The following GRIN2B variants were observed in gnomAD, a reference collection of about 807,000 sequenced individuals.
GRIN2B encodes glutamate ionotropic receptor NMDA type subunit 2B, also known as glutamate receptor ionotropic, NMDA 2B.
GRIN2B carries 5 observed loss-of-function variants against 114.5 expected under a neutral mutation model. That is an observed-to-expected ratio of 0.04 (90% CI 0.02 to 0.09). The LOEUF is 0.09. GRIN2B is among the 10% of genes least tolerant of loss of function. The pLI, the probability that GRIN2B is intolerant of heterozygous loss-of-function variation, is 1.00. For missense variants in GRIN2B, 1,108 were observed against 1,943.5 expected (o/e 0.57, Z 8.08); for synonymous variants, 787 against 745.1 (o/e 1.06, Z -0.92).
intron 3 of GRIN2B, among the ~76,000 whole-genome samples, chr12:13,786,275 TG>T (rs1209929922): frequency 1.3e-5 from 2 of 152,192 alleles, no homozygotes; most frequent in African/African-American, 2.4e-5. Flanking sequence ...TAAAATAATT[TG>T]GGGTTTAATT....
At chr12:13,746,246 C>CA (rs1193786142) in intron 4 of GRIN2B, among the ~76,000 whole-genome samples, 1 of 152,042 alleles carries the variant, frequency 6.6e-6, no homozygotes, top group African/African-American at 2.4e-5. Flanking sequence ...AGTAAGTACT[C>CA]AAAAAGGCAA....
At chr12:13,686,067 A>G (rs889387184) in intron 4 of GRIN2B, among the ~76,000 whole-genome samples, 17 of 152,176 alleles carry the variant, frequency 1.1e-4, no homozygotes, top group African/African-American at 3.4e-4. Context: ...ACCACAATGC[A>G]AAAGTGCTGG....
intron 4 of GRIN2B, among the ~76,000 whole-genome samples, chr12:13,700,089 G>T (rs895000359): frequency 2.0e-5 from 3 of 152,108 alleles, no homozygotes; most frequent in African/African-American, 7.2e-5. Context: ...CTGAAGGGCA[G>T]TAATACGCTG....
At chr12:13,974,879 T>C (rs1318963672) in intron 2 of GRIN2B, among the ~76,000 whole-genome samples, 4 of 151,198 alleles carry the variant, frequency 2.6e-5, no homozygotes, top group Admixed American at 6.6e-5. Context: ...AAAAGAACAG[T>C]GTAAAAGAGA....
intron 2 of GRIN2B, among the ~76,000 whole-genome samples, chr12:13,867,044 T>G (rs1352225973): frequency 1.3e-5 from 2 of 151,404 alleles, no homozygotes; most frequent in African/African-American, 4.8e-5. Context: ...TACGTGGAAC[T>G]GCCTCTCATA....
chr12:13,841,250 C>A (rs925840324), intron 3 of GRIN2B, among the ~76,000 whole-genome samples: 9 of 152,118 alleles, frequency 5.9e-5, no homozygotes, highest in Admixed American at 4.6e-4. Flanking sequence ...CACAGCTAGC[C>A]ATGCCGGAGC....
chr12:13,577,006 A>C (rs1437281551), intron 10 of GRIN2B, among the ~76,000 whole-genome samples: 1 of 152,220 alleles, frequency 6.6e-6, no homozygotes, highest in Non-Finnish European at 1.5e-5. Flanking sequence ...AGGAAACCGA[A>C]GTCCTGAAGA....
chr12:13,615,655 T>C lies in GRIN2B; in HGVS notation c.1338A>G (p.Thr446=), dbSNP rs141031272. ...TTTTGATGTAACCCGGCTCCTCGTC[T>C]GTTTTATTCCTAGCCAATTAAAGAA... is the stretch of plus-strand genomic sequence containing the variant. ...CQKRIVTENK[T]DEEPGYIKKC... The change falls in exon 7 of 14, where the codon ACA becomes ACG. Residue 446 remains threonine (T), a synonymous_variant. Transcript: ENST00000609686. The surrounding 1 kb of genome is among the most constrained non-coding windows in gnomAD (Gnocchi z 5.8). The C allele has an allele frequency of 1.7e-4, 268 of 1,613,172 alleles. 1 individual carries two copies. In the African/African-American group the frequency reaches 3.2e-3, roughly 19 times the overall value.
chr12:13,960,550 G>A (rs1223398383), intron 2 of GRIN2B, among the ~76,000 whole-genome samples: 1 of 152,096 alleles, frequency 6.6e-6, no homozygotes, highest in Non-Finnish European at 1.5e-5. Context: ...GGGGCATGGA[G>A]GAGACCCCAA....
At chr12:13,728,468 A>G (rs1863030206) in intron 4 of GRIN2B, among the ~76,000 whole-genome samples, 1 of 152,176 alleles carries the variant, frequency 6.6e-6, no homozygotes, top group African/African-American at 2.4e-5. Context: ...AAAATAAGAA[A>G]TTTGTTTTGT....
chr12:13,784,041 G>A (rs1864173066), intron 3 of GRIN2B, among the ~76,000 whole-genome samples: 1 of 151,880 alleles, frequency 6.6e-6, no homozygotes, highest in African/African-American at 2.4e-5. Flanking sequence ...GACTAACATG[G>A]TGAAACCCCG....
intron 3 of GRIN2B, among the ~76,000 whole-genome samples, chr12:13,802,903 G>T (rs12815392): frequency 2.0e-5 from 3 of 152,016 alleles, no homozygotes; most frequent in African/African-American, 7.2e-5. Context: ...GTTAACTCGG[G>T]AACACACAGG....
intron 4 of GRIN2B, among the ~76,000 whole-genome samples, chr12:13,707,687 A>G (rs2300250): frequency 0.42 from 63,633 of 151,810 alleles, 13,778 homozygotes; most frequent in Non-Finnish European, 0.48. Context: ...CCTATTCGGT[A>G]CAGGGCTTGA....
intron 3 of GRIN2B, among the ~76,000 whole-genome samples, chr12:13,765,779 T>C (rs1003971057): frequency 6.6e-6 from 1 of 152,190 alleles, no homozygotes; most frequent in Non-Finnish European, 1.5e-5. Context: ...TTCAGAGACA[T>C]GAAGGGTCTT....
rs959759818 is a variant in GRIN2B at position 13,555,046 on chromosome 12, A to G, written c.*7737T>C. 2.6e-5 allele frequency: 4 copies of G among 152,168 alleles called. No individual in the cohort carries two copies. Among genetic ancestry groups the G allele is most frequent in the African/African-American group, 9.7e-5 (4 of 41,440 alleles). The allele number at this position is 152,168 out of a possible 1,614,324, so 9.4% of individuals were successfully genotyped here. A position where few individuals can be genotyped will look rare whatever the true frequency, so the allele number is the denominator to read the frequency against. Reference sequence around the variant, plus strand: ...ATTTGGGATTCATCTTCATTCAAAGAGTTATTGAAATCATAGAAGACAGAA... The same window carrying G: ...ATTTGGGATTCATCTTCATTCAAAGGGTTATTGAAATCATAGAAGACAGAA... On this transcript the variant is annotated 3_prime_UTR_variant, in exon 14 of 14. Transcript: ENST00000609686.
chr12:13,591,317 G>A (rs1949006209), intron 10 of GRIN2B, among the ~76,000 whole-genome samples: 1 of 152,162 alleles, frequency 6.6e-6, no homozygotes, highest in Non-Finnish European at 1.5e-5. Context: ...GAAACAGCGT[G>A]GGCTTTGTGA....
chr12:13,661,328 G>T (rs2136527058), intron 5 of GRIN2B, among the ~76,000 whole-genome samples: 1 of 152,286 alleles, frequency 6.6e-6, no homozygotes, highest in East Asian at 1.9e-4. Context: ...CGATATTTCT[G>T]TATTTCATTG....
chr12:13,566,206 C>T lies in GRIN2B; in HGVS notation c.2598+819G>A, dbSNP rs545354767. On this transcript the variant is annotated intron_variant, in intron 13 of 13. Transcript: ENST00000609686. ...ATGATGAAAAGATGAAATAATTTAA[C>T]GAGAAATCAATTTTCTCATTAATAC... Among the ~76,000 whole-genome samples the T allele has an allele frequency of 1.4e-4, 21 of 152,270 alleles. No individual in the cohort carries two copies. In the South Asian group the frequency reaches 1.9e-3, roughly 14 times the overall value.
At chr12:13,754,568 T>TA (rs1475107525) in intron 3 of GRIN2B, among the ~76,000 whole-genome samples, 2 of 106,158 alleles carry the variant, frequency 1.9e-5, no homozygotes, top group South Asian at 2.5e-4. Context: ...ATTGGATCAC[T>TA]ATGTGTTCTA....
Sources: gnomAD v4.1 joint callset for allele counts (sites outside exome capture counted in the v4.1 genomes callset) on GRCh38, gnomAD v4.1.1 for gene constraint, Gnocchi (gnomAD v3.1) non-coding constraint, MANE v1.5 for transcripts, NCBI Gene and HGNC (gene_info 2026-07-23, HGNC 2026-07-21) for gene names.